The following TAFA1 variants were observed in gnomAD, a reference collection of about 807,000 sequenced individuals.
TAFA1 encodes TAFA chemokine like family member 1, also known as chemokine-like protein TAFA-1.
TAFA1 carries 4 observed loss-of-function variants against 18.5 expected under a neutral mutation model. The observed-to-expected ratio is 0.22, with a 90% confidence interval of 0.11 to 0.49. The LOEUF is 0.49. Among genes scored for constraint, TAFA1 ranks in the 20% least tolerant of loss-of-function variants. The pLI is 0.98. For synonymous variants in TAFA1, 56 were observed against 55.2 expected, an observed-to-expected ratio of 1.01 and a Z score of -0.06; for missense variants, 147 against 169.0, an observed-to-expected ratio of 0.87 and a Z score of 0.72.
At chr3:68,170,391 C>T (rs2066037678) in intron 2 of TAFA1, among the ~76,000 whole-genome samples, 1 of 152,156 alleles carries the variant, frequency 6.6e-6, no homozygotes, top group Non-Finnish European at 1.5e-5. Flanking sequence ...ACAGCCCTAT[C>T]CCCAGGGTGT....
intron 3 of TAFA1, among the ~76,000 whole-genome samples, chr3:68,508,119 C>T (rs2072789460): frequency 6.6e-6 from 1 of 152,082 alleles, no homozygotes; most frequent in African/African-American, 2.4e-5. Context: ...TCCATCTTCT[C>T]ACTATGGCTT....
At chr3:68,219,766 C>T (rs1380961195) in intron 2 of TAFA1, among the ~76,000 whole-genome samples, 4 of 152,118 alleles carry the variant, frequency 2.6e-5, no homozygotes, top group Non-Finnish European at 1.5e-5. Context: ...ATTATAATCA[C>T]TTTTGCTGCC....
intron 3 of TAFA1, among the ~76,000 whole-genome samples, chr3:68,428,688 T>G (rs1419167035): frequency 1.3e-5 from 2 of 151,960 alleles, no homozygotes; most frequent in Non-Finnish European, 2.9e-5. Flanking sequence ...CTTGGTATTT[T>G]CATTATTGCA....
chr3:68,081,926 G>C (rs1460264345), intron 2 of TAFA1, among the ~76,000 whole-genome samples: 1 of 152,176 alleles, frequency 6.6e-6, no homozygotes, highest in East Asian at 1.9e-4. Flanking sequence ...CTGCCACCTT[G>C]TAGTTTGATC....
At chr3:68,465,136 G>A (rs1453055678) in intron 3 of TAFA1, among the ~76,000 whole-genome samples, 1 of 152,080 alleles carries the variant, frequency 6.6e-6, no homozygotes, top group South Asian at 2.1e-4. Flanking sequence ...TGGATGGGAG[G>A]GGAGAGGAGC....
chr3:68,427,435 C>T (rs1360945403), intron 3 of TAFA1, among the ~76,000 whole-genome samples: 2 of 151,810 alleles, frequency 1.3e-5, no homozygotes, highest in African/African-American at 4.8e-5. Flanking sequence ...CTAGGAAAAT[C>T]TATAACCCTG....
At position 68,506,746 on chromosome 3, in the gene TAFA1, C is replaced by A. The variant is rs550332461; in HGVS notation, c.260-32010C>A. Among the ~76,000 whole-genome samples the A allele has an allele frequency of 2.0e-5, 3 of 152,120 alleles. No homozygotes were observed. The South Asian group carries it at 6.2e-4, about 32-fold the overall frequency. ...TTTCCTGGTTGCTCTAGCTGAGAAC[C>A]TAACAATGCCCATTTCAACAAATTT... On this transcript the variant is annotated intron_variant, in intron 3 of 4. Transcript: ENST00000478136.
chr3:68,149,812 G>A (rs1363806052), intron 2 of TAFA1, among the ~76,000 whole-genome samples: 3 of 152,182 alleles, frequency 2.0e-5, no homozygotes, highest in Non-Finnish European at 4.4e-5. Flanking sequence ...AGGAAGCAAT[G>A]TCAAAAGAAG....
intron 2 of TAFA1, among the ~76,000 whole-genome samples, chr3:68,171,515 G>A (rs909310840): frequency 2.0e-5 from 3 of 152,092 alleles, no homozygotes; most frequent in African/African-American, 7.2e-5. Flanking sequence ...CTGATTTTCA[G>A]AGTGTCCAGA....
intron 2 of TAFA1, among the ~76,000 whole-genome samples, chr3:68,304,086 T>A (rs115927949): frequency 0.011 from 1,714 of 152,312 alleles, 11 homozygotes; most frequent in Non-Finnish European, 0.017. Flanking sequence ...AAATTGGATA[T>A]TTAAATGTGG....
chr3:68,415,903 C>G (rs1553688357), intron 2 of TAFA1, among the ~76,000 whole-genome samples: 1 of 152,158 alleles, frequency 6.6e-6, no homozygotes, highest in Non-Finnish European at 1.5e-5. Flanking sequence ...TTAGTCTACT[C>G]AAAATCAGAG....
intron 3 of TAFA1, among the ~76,000 whole-genome samples, chr3:68,434,166 A>G (rs1201199261): frequency 1.3e-5 from 2 of 152,148 alleles, no homozygotes; most frequent in East Asian, 1.9e-4. Context: ...AAGCATTTGT[A>G]TCGTCTGAAA....
chr3:67,999,483 TG>T (rs1436039240), upstream of TAFA1, among the ~76,000 whole-genome samples: 2 of 152,208 alleles, frequency 1.3e-5, no homozygotes, highest in Admixed American at 1.3e-4. Flanking sequence ...TAGGAGATTT[TG>T]GGGGTCTCTT....
chr3:68,237,281 C>T (rs559784284), intron 2 of TAFA1, among the ~76,000 whole-genome samples: 147 of 152,202 alleles, frequency 9.7e-4, no homozygotes, highest in African/African-American at 2.8e-3. Flanking sequence ...GGGCCTTTTC[C>T]GTAAAGGCAC....
intron 2 of TAFA1, among the ~76,000 whole-genome samples, chr3:68,017,529 G>A (rs920066831): frequency 6.6e-5 from 10 of 152,136 alleles, no homozygotes; most frequent in Admixed American, 6.6e-4. Context: ...CAAGTTGAGA[G>A]TCATTGACCA....
At chr3:68,541,409 T>C (rs911057085) in intron 4 of TAFA1, among the ~76,000 whole-genome samples, 8 of 152,184 alleles carry the variant, frequency 5.3e-5, no homozygotes, top group African/African-American at 1.7e-4. Context: ...TCTGAAAATA[T>C]GTTCTGTATT....
chr3:68,187,988 G>A (rs935226856), intron 2 of TAFA1, among the ~76,000 whole-genome samples: 2 of 151,882 alleles, frequency 1.3e-5, no homozygotes, highest in South Asian at 2.1e-4. Flanking sequence ...TACATTTCTT[G>A]CCTATTTTTC....
At chr3:68,417,086 G>A (rs942330419) in intron 2 of TAFA1, among the ~76,000 whole-genome samples, 194 bp from the exon 3 acceptor site, 1 of 152,132 alleles carries the variant, frequency 6.6e-6, no homozygotes, top group Non-Finnish European at 1.5e-5. Flanking sequence ...GGTATTCTTT[G>A]CTGGTTTGGA....
chr3:68,009,165 G>A (rs1218550670), intron 2 of TAFA1, among the ~76,000 whole-genome samples: 1 of 152,064 alleles, frequency 6.6e-6, no homozygotes, highest in Non-Finnish European at 1.5e-5. Flanking sequence ...GTGGTACATG[G>A]CTAGAATATA....
Sources: allele counts gnomAD v4.1 joint callset (sites outside exome capture counted in the v4.1 genomes callset), GRCh38; gene constraint gnomAD v4.1.1; transcripts MANE v1.5; gene names NCBI Gene and HGNC (gene_info 2026-07-23, HGNC 2026-07-21).